Variants in EGFR observed in about 807,000 individuals in gnomAD.
The protein encoded by EGFR is epidermal growth factor receptor.
A neutral mutation model predicts 143.0 loss-of-function variants in EGFR; 58 were observed. The observed-to-expected ratio is 0.41, with a 90% CI of 0.33 to 0.50. EGFR has a LOEUF of 0.50. Among genes scored for constraint, EGFR ranks in the 20% least tolerant of loss-of-function variants. The probability of loss-of-function intolerance (pLI) is 0.39; values close to 1 mark genes in which losing one functional copy is unlikely to be tolerated. For synonymous variants in EGFR, 613 were observed against 594.4 expected (o/e 1.03, Z -0.45); for missense variants, 1,307 against 1,579.0 (o/e 0.83, Z 2.92).
intron 1 of EGFR, among the ~76,000 whole-genome samples, chr7:55,044,514 C>T (rs550949720): frequency 5.6e-4 from 86 of 152,292 alleles, no homozygotes; most frequent in Non-Finnish European, 9.8e-4. Context: ...AGCAGCTGCC[C>T]AGATCCCCAG....
chr7:55,152,370 G>C (rs761095472), intron 5 of EGFR, 176 bp from the exon 6 acceptor site: 2 of 773,350 alleles, frequency 2.6e-6, no homozygotes, highest in Non-Finnish European at 4.7e-6. Flanking sequence ...AATAAATCAG[G>C]AGAAAAAAGA....
At chr7:55,078,585 G>C (rs1362927176) in intron 1 of EGFR, among the ~76,000 whole-genome samples, 1 of 152,158 alleles carries the variant, frequency 6.6e-6, no homozygotes, top group African/African-American at 2.4e-5. Flanking sequence ...AAATGTCCAC[G>C]TGCACTTGTC....
intron 1 of EGFR, among the ~76,000 whole-genome samples, chr7:55,047,046 A>T (rs936963828): frequency 1.3e-5 from 2 of 152,256 alleles, no homozygotes; most frequent in African/African-American, 4.8e-5. Context: ...TCCTGAAAAC[A>T]GTTGAGACAC....
At chr7:55,103,679 G>T (rs968184751) in intron 1 of EGFR, among the ~76,000 whole-genome samples, 1 of 152,184 alleles carries the variant, frequency 6.6e-6, no homozygotes, top group Non-Finnish European at 1.5e-5. Flanking sequence ...GATATTGGAT[G>T]GTCCACATTG....
chr7:55,143,280 A>G (rs1794569920), intron 2 of EGFR, 25 bp from the exon 3 acceptor site: 2 of 1,613,950 alleles, frequency 1.2e-6, no homozygotes, highest in Admixed American at 3.3e-5. Context: ...AAGAGAAATC[A>G]CGCATTTATG....
At chr7:55,082,623 C>T (rs188670585) in intron 1 of EGFR, among the ~76,000 whole-genome samples, 2 of 152,094 alleles carry the variant, frequency 1.3e-5, no homozygotes, top group Admixed American at 6.5e-5. Context: ...GGTTCATTTT[C>T]GCTCCAGTGT....
intron 1 of EGFR, among the ~76,000 whole-genome samples, chr7:55,076,419 A>T (rs1790132880): frequency 6.6e-6 from 1 of 152,198 alleles, no homozygotes; most frequent in Non-Finnish European, 1.5e-5. Flanking sequence ...TGGAAAAAAA[A>T]TCCTGATAAG....
chr7:55,150,593 A>G (rs1785102012), intron 4 of EGFR, among the ~76,000 whole-genome samples: 1 of 152,208 alleles, frequency 6.6e-6, no homozygotes, highest in Non-Finnish European at 1.5e-5. Context: ...TTTGGTGGTT[A>G]ACCTACTCTT....
intron 1 of EGFR, among the ~76,000 whole-genome samples, chr7:55,100,060 G>A (rs115872295): frequency 0.011 from 1,740 of 152,332 alleles, 37 homozygotes; most frequent in African/African-American, 0.04. Flanking sequence ...AGAGATGTCA[G>A]TGGTGGCCAC....
chr7:55,089,138 T>C lies in EGFR; in HGVS notation c.89-53148T>C, dbSNP rs113422712. Among the ~76,000 whole-genome samples the C allele has an allele frequency of 7.5e-3, 1,147 of 152,320 alleles. 6 individuals are homozygous for C. Among genetic ancestry groups the C allele is most frequent in the Non-Finnish European group, 0.012 (797 of 68,022 alleles). On this transcript the variant is annotated intron_variant, in intron 1 of 27. Coordinates refer to ENST00000275493, the MANE Select transcript of EGFR (RefSeq NM_005228.5). ...TATGAGCTTATGTCATTCATACATA[T>C]TGTTTTGCCTCTTGCTTTTTTTTAA... is the stretch of plus-strand genomic sequence containing the variant.
At chr7:55,081,702 A>G (rs975513837) in intron 1 of EGFR, among the ~76,000 whole-genome samples, 1 of 150,890 alleles carries the variant, frequency 6.6e-6, no homozygotes, top group Non-Finnish European at 1.5e-5. Context: ...TGTGACAGGA[A>G]GAGATTGTTT....
At chr7:55,068,409 C>G (rs750346152) in intron 1 of EGFR, among the ~76,000 whole-genome samples, 1 of 152,130 alleles carries the variant, frequency 6.6e-6, no homozygotes, top group Non-Finnish European at 1.5e-5. Flanking sequence ...TTTACTTGGA[C>G]GTAGAGTTTT....
chr7:55,170,414 C>G (rs1275228647), intron 15 of EGFR: 1 of 1,614,176 alleles, frequency 6.2e-7, no homozygotes, highest in East Asian at 2.2e-5. Context: ...AGCCCAGCTG[C>G]TCAGGAGTCA....
At chr7:55,160,077 T>C in intron 11 of EGFR, 62 bp from the exon 12 acceptor site, 2 of 1,588,498 alleles carry the variant, frequency 1.3e-6, no homozygotes, top group African/African-American at 1.3e-5. Flanking sequence ...AGAAACAAAG[T>C]TTTCAGGGAT....
chr7:55,155,726 G>A (rs2128937123), intron 7 of EGFR, 104 bp from the exon 8 acceptor site: 1 of 853,864 alleles, frequency 1.2e-6, no homozygotes, highest in South Asian at 1.3e-5. Context: ...GCCAAAGGAG[G>A]ATGGAGCCTT....
intron 1 of EGFR, among the ~76,000 whole-genome samples, chr7:55,080,600 T>C (rs566620006): frequency 6.6e-6 from 1 of 152,180 alleles, no homozygotes; most frequent in South Asian, 2.1e-4. Context: ...ACAGGAGGAA[T>C]AAGTTAAAGA....
chr7:55,039,575 G>A (rs976209665), intron 1 of EGFR, among the ~76,000 whole-genome samples: 1 of 152,190 alleles, frequency 6.6e-6, no homozygotes, highest in African/African-American at 2.4e-5. Flanking sequence ...GTGAGGGAGA[G>A]CTCCTCCATG....
intron 1 of EGFR, among the ~76,000 whole-genome samples, chr7:55,126,263 C>G (rs550056071): frequency 1.3e-5 from 2 of 152,230 alleles, no homozygotes; most frequent in Admixed American, 1.3e-4. Flanking sequence ...AGGGCAGGAA[C>G]AGCATTGGTT....
rs1002493528 is a variant in EGFR, at chr7:55,094,378, T to C, written c.89-47908T>C. ...GGTCGGGGGGCAGGGGGGGCCTCAC[T>C]GTGCAGCCTCCTGCCACCCACTGAT... On this transcript the variant is annotated intron_variant, in intron 1 of 27. Transcript: ENST00000275493. Among the ~76,000 whole-genome samples, 7 of 152,220 alleles carry C rather than the reference T, an allele frequency of 4.6e-5. No homozygotes were observed. In the East Asian group the frequency reaches 7.7e-4, roughly 17 times the overall value.
Sources: allele counts gnomAD v4.1 joint callset (sites outside exome capture counted in the v4.1 genomes callset), GRCh38; gene constraint gnomAD v4.1.1; transcripts MANE v1.5; gene names NCBI Gene and HGNC (gene_info 2026-07-23, HGNC 2026-07-21).